The following PRDM15 variants were observed in gnomAD, a reference collection of about 807,000 sequenced individuals.
PRDM15 encodes PR domain zinc finger protein 15.
In PRDM15, 64 loss-of-function variants were observed where a neutral mutation model predicts 128.6. That is an observed-to-expected ratio of 0.50 (90% CI 0.41 to 0.61). The LOEUF (loss-of-function observed/expected upper bound fraction) is 0.61. Among genes scored for constraint, PRDM15 ranks in the 20% least tolerant of loss-of-function variants. The probability of loss-of-function intolerance (pLI) is 0.00; values close to 1 mark genes in which losing one functional copy is unlikely to be tolerated. For missense variants in PRDM15, 1,242 were observed against 1,569.1 expected (o/e 0.79, Z 3.52); for synonymous variants, 615 against 621.8 (o/e 0.99, Z 0.16).
chr21:41,815,931 C>A, intron 18 of PRDM15, 95 bp from the exon 19 acceptor site: 1 of 1,500,252 alleles, frequency 6.7e-7, no homozygotes, highest in South Asian at 1.2e-5. Flanking sequence ...AGGCAGCGGC[C>A]CGTGCGGTAC....
At chr21:41,806,101 A>T in intron 21 of PRDM15, among the ~76,000 whole-genome samples, 1 of 146,232 alleles carries the variant, frequency 6.8e-6, no homozygotes, top group Non-Finnish European at 1.5e-5. Flanking sequence ...CATCACCACC[A>T]CCATCACCAC....
At chr21:41,815,880 GC>G (rs2062033502) in intron 18 of PRDM15, 44 bp from the exon 19 acceptor site, 1 of 1,605,492 alleles carries the variant, frequency 6.2e-7, no homozygotes. Flanking sequence ...CCCCCACGCA[GC>G]CCACCTGGGG....
chr21:41,824,671 T>C (rs780278278), intron 13 of PRDM15, among the ~76,000 whole-genome samples: 18 of 152,156 alleles, frequency 1.2e-4, no homozygotes, highest in Non-Finnish European at 2.1e-4. Context: ...GCCCTGTGCA[T>C]AGCTGGCCCA....
At chr21:41,868,266 G>A (rs1468472689) in intron 1 of PRDM15, among the ~76,000 whole-genome samples, 1 of 152,104 alleles carries the variant, frequency 6.6e-6, no homozygotes, top group African/African-American at 2.4e-5. Flanking sequence ...TTCCCACACG[G>A]GGCTGTTACA....
intron 1 of PRDM15, among the ~76,000 whole-genome samples, chr21:41,874,482 T>C (rs2146045082): frequency 6.9e-6 from 1 of 145,936 alleles, no homozygotes; most frequent in African/African-American, 2.5e-5. Flanking sequence ...AAGACAAACC[T>C]ACTATAACTA....
At chr21:41,829,114 CCA>C (rs1407753977) in intron 11 of PRDM15, among the ~76,000 whole-genome samples, 2 of 121,156 alleles carry the variant, frequency 1.7e-5, no homozygotes, top group South Asian at 2.8e-4. Flanking sequence ...ATCACACACA[CCA>C]CACTCAACAT....
chr21:41,840,055 G>C (rs770754219), intron 6 of PRDM15, among the ~76,000 whole-genome samples: 4 of 152,194 alleles, frequency 2.6e-5, no homozygotes, highest in Non-Finnish European at 5.9e-5. Flanking sequence ...AGTGGTAAAA[G>C]CAAGGGTAGG....
At position 41,859,518 on chromosome 21, in the gene PRDM15, G is replaced by T; in HGVS notation, c.131+74C>A. ...CCCTCAGGCTCCTTCCTCCCCGTCTGCAGACCCAAAGGCCACTAGGCTCCT... is the reference window on the plus strand; with the variant it reads ...CCCTCAGGCTCCTTCCTCCCCGTCTTCAGACCCAAAGGCCACTAGGCTCCT... On this transcript the variant is annotated intron_variant, in intron 3 of 23. Transcript: ENST00000398548. This position sits in a 1 kb window ranked among gnomAD's most constrained non-coding sequence, Gnocchi z 5.3. 3 of 1,230,708 alleles carry T rather than the reference G, an allele frequency of 2.4e-6. No homozygotes were observed. The highest frequency in any genetic ancestry group is 3.5e-6 in the Non-Finnish European group (3 of 855,976). 76.2% of individuals were successfully genotyped at this position (1,230,708 alleles called of 1,614,324 possible).
In PRDM15 at chr21:41,810,569, A is replaced by G. The variant is rs1207802552; in HGVS notation, c.2476+184T>C. On this transcript the variant is annotated intron_variant, in intron 20 of 23. Coordinates refer to ENST00000398548, the MANE Select transcript of PRDM15 (RefSeq NM_001040424.3). The surrounding 1 kb of genome is among the most constrained non-coding windows in gnomAD (Gnocchi z 6.4). Reference sequence around the variant, plus strand: ...CCAATATGAGAAAATTCAAGAAGGGATACTTGAAAGCTGTGGCGGGTTGAC... The same window carrying G: ...CCAATATGAGAAAATTCAAGAAGGGGTACTTGAAAGCTGTGGCGGGTTGAC... 5 of 643,398 alleles carry G rather than the reference A, an allele frequency of 7.8e-6. No homozygotes were observed. The East Asian group carries it at 1.4e-4, about 18-fold the overall frequency. 39.9% of individuals were successfully genotyped at this position (643,398 alleles called of 1,614,324 possible).
chr21:41,834,029 A>G (rs960374673), intron 11 of PRDM15, among the ~76,000 whole-genome samples: 5 of 152,158 alleles, frequency 3.3e-5, no homozygotes, highest in East Asian at 1.9e-4. Flanking sequence ...TCTTCAGGGG[A>G]CTGTGCCCCA....
At chr21:41,876,192 C>G (rs944699879) in intron 1 of PRDM15, among the ~76,000 whole-genome samples, 1 of 152,182 alleles carries the variant, frequency 6.6e-6, no homozygotes, top group Admixed American at 6.5e-5. Context: ...CACCACTGAT[C>G]AAAACAGAAA....
chr21:41,802,352 G>T (rs531966675), intron 23 of PRDM15, among the ~76,000 whole-genome samples: 2 of 152,158 alleles, frequency 1.3e-5, no homozygotes, highest in Non-Finnish European at 2.9e-5. Flanking sequence ...CTTGCTCTCC[G>T]GCTAGTCAGC....
chr21:41,854,628 G>T lies in PRDM15; in HGVS notation c.476C>A (p.Ala159Glu). Residue 159 changes from alanine to glutamate, a missense_variant, in exon 5 of 24, where the codon GCG becomes GAG. This residue lies in a region of PRDM15 where 612 missense variants were observed against 717.0 expected (regional missense o/e 0.85). Coordinates refer to ENST00000398548, the MANE Select transcript of PRDM15 (RefSeq NM_001040424.3). The surrounding 1 kb of genome is among the most constrained non-coding windows in gnomAD (Gnocchi z 4.6). ...GTCCATCTTCTTGGCATAGAAGGCC[G>T]CATACCACACGCGCAGCTCGGTACC... Reference protein sequence around the residue: ...PPGTELRVWYAAFYAKKMDKP... With the variant: ...PPGTELRVWYEAFYAKKMDKP... The T allele has an allele frequency of 6.2e-7, 1 of 1,613,742 alleles. No individual in the cohort carries two copies. Among genetic ancestry groups the T allele is most frequent in the Non-Finnish European group, 8.5e-7 (1 of 1,179,978 alleles).
At chr21:41,870,385 G>C (rs1236685715) in intron 1 of PRDM15, among the ~76,000 whole-genome samples, 1 of 152,194 alleles carries the variant, frequency 6.6e-6, no homozygotes, top group Non-Finnish European at 1.5e-5. Context: ...CTGGTCTGGA[G>C]GCTCAGGGAG....
At chr21:41,870,030 A>AAAGCTGG (rs925261674) in intron 1 of PRDM15, among the ~76,000 whole-genome samples, 39 of 152,304 alleles carry the variant, frequency 2.6e-4, no homozygotes, top group Middle Eastern at 3.4e-3. Flanking sequence ...ATCAAGTCTC[A>AAAGCTGG]GAGCTGGGCA....
chr21:41,812,870 T>A (rs2061909425), intron 19 of PRDM15: 1 of 152,334 alleles, frequency 6.6e-6, no homozygotes, highest in Admixed American at 6.5e-5. Flanking sequence ...CCAGACACCT[T>A]GCTCTGACGG....
At chr21:41,878,933 G>C (rs1376297830) in intron 1 of PRDM15, 1 of 953,436 alleles carries the variant, frequency 1.0e-6, no homozygotes, top group Non-Finnish European at 1.2e-6. Flanking sequence ...GCGGGCGGGC[G>C]GGGGGCGCGA....
At chr21:41,803,242 C>T (rs554516692) in intron 22 of PRDM15, 171 of 367,960 alleles carry the variant, frequency 4.6e-4, no homozygotes, top group Non-Finnish European at 7.7e-4. Flanking sequence ...TGTTTCTGCC[C>T]GGGTGAGCTG....
chr21:41,867,713 GAC>G (rs1468541156), intron 1 of PRDM15, among the ~76,000 whole-genome samples: 2 of 152,228 alleles, frequency 1.3e-5, no homozygotes, highest in African/African-American at 2.4e-5. Flanking sequence ...GATTTTAAAA[GAC>G]ACATGTCTGG....
Sources: allele counts gnomAD v4.1 joint callset (sites outside exome capture counted in the v4.1 genomes callset), GRCh38; gene constraint gnomAD v4.1.1; regional missense constraint gnomAD v4.1.1; non-coding constraint Gnocchi (gnomAD v3.1); transcripts MANE v1.5; gene names NCBI Gene and HGNC (gene_info 2026-07-23, HGNC 2026-07-21).